EPHA6: variants seen among roughly 807,000 people sequenced by gnomAD.
EPHA6 encodes ephrin type-A receptor 6.
Under a neutral mutation model 112.0 loss-of-function variants are expected in EPHA6, and 50 were observed. The observed-to-expected ratio is 0.45, with a 90% CI of 0.36 to 0.56. The LOEUF (loss-of-function observed/expected upper bound fraction) is 0.56, where lower values mean the gene tolerates loss of function less well. Ranked by LOEUF, EPHA6 falls within the 20% of genes least tolerant of loss-of-function variation. EPHA6 has a pLI of 0.00. For synonymous variants in EPHA6, 529 were observed against 490.7 expected (o/e 1.08, Z -1.03); for missense variants, 1,280 against 1,417.4 (o/e 0.90, Z 1.56).
intron 2 of EPHA6, 114 bp downstream of exon 2, chr3:96,867,003 T>G (rs2036355695): frequency 2.0e-6 from 1 of 504,944 alleles, no homozygotes; most frequent in Non-Finnish European, 3.4e-6. Context: ...ACATATAACT[T>G]ACATCCCATA....
At chr3:97,024,460 G>A (rs2044566802) in intron 3 of EPHA6, among the ~76,000 whole-genome samples, 1 of 151,988 alleles carries the variant, frequency 6.6e-6, no homozygotes, top group Non-Finnish European at 1.5e-5. Flanking sequence ...ATATCTAATT[G>A]ATCTGAAAGA....
At chr3:97,637,162 G>C (rs2093953191) in intron 13 of EPHA6, among the ~76,000 whole-genome samples, 1 of 151,856 alleles carries the variant, frequency 6.6e-6, no homozygotes, top group African/African-American at 2.4e-5. Flanking sequence ...TAGTTAAATG[G>C]GATTGATACT....
At chr3:96,979,114 T>A (rs2042649903) in intron 2 of EPHA6, among the ~76,000 whole-genome samples, 1 of 152,122 alleles carries the variant, frequency 6.6e-6, no homozygotes, top group African/African-American at 2.4e-5. Flanking sequence ...AACGTGCAGG[T>A]TTGTTACATA....
intron 3 of EPHA6, among the ~76,000 whole-genome samples, chr3:97,179,761 C>CTCTCTCTCTT (rs1214540454): frequency 6.3e-4 from 90 of 142,758 alleles, no homozygotes; most frequent in East Asian, 1.1e-3. Context: ...CTCTCTCTCT[C>CTCTCTCTCTT]CTGAACCACT....
At chr3:96,928,325 T>C (rs1162789530) in intron 2 of EPHA6, among the ~76,000 whole-genome samples, 1 of 152,204 alleles carries the variant, frequency 6.6e-6, no homozygotes, top group Non-Finnish European at 1.5e-5. Flanking sequence ...GTATATTAGC[T>C]GTTTGTTATC....
At chr3:96,862,085 G>A (rs1413636795) in intron 1 of EPHA6, among the ~76,000 whole-genome samples, 1 of 151,846 alleles carries the variant, frequency 6.6e-6, no homozygotes, top group Non-Finnish European at 1.5e-5. Flanking sequence ...CTAAATGTCA[G>A]TTTAAAGCAT....
chr3:96,868,908 T>C (rs560797856), intron 2 of EPHA6, among the ~76,000 whole-genome samples: 1 of 152,120 alleles, frequency 6.6e-6, no homozygotes, highest in South Asian at 2.1e-4. Context: ...AGTTACAGAA[T>C]TAGGCATTCA....
chr3:97,587,235 C>T (rs1032051991), intron 11 of EPHA6, among the ~76,000 whole-genome samples: 12 of 150,268 alleles, frequency 8.0e-5, no homozygotes, highest in Non-Finnish European at 1.8e-4. Flanking sequence ...AATGAGACTC[C>T]GTCTCAAAAA....
chr3:97,168,241 C>T (rs545566334), intron 3 of EPHA6, among the ~76,000 whole-genome samples: 87 of 152,144 alleles, frequency 5.7e-4, no homozygotes, highest in South Asian at 4.4e-3. Flanking sequence ...CCTGCTTTTT[C>T]ATTCTCAACA....
At chr3:97,536,060 T>C (rs2092759506) in intron 11 of EPHA6, among the ~76,000 whole-genome samples, 1 of 152,152 alleles carries the variant, frequency 6.6e-6, no homozygotes, top group Non-Finnish European at 1.5e-5. Flanking sequence ...ACAAGTGATA[T>C]AAAAAGAGAT....
chr3:97,583,293 A>C (rs1231875441), intron 11 of EPHA6, among the ~76,000 whole-genome samples: 4 of 151,920 alleles, frequency 2.6e-5, no homozygotes, highest in African/African-American at 9.7e-5. Flanking sequence ...TAATCCCAGC[A>C]CTTTGGGAAG....
intron 3 of EPHA6, among the ~76,000 whole-genome samples, chr3:97,187,700 A>AGAAG (rs2077184380): frequency 7.7e-6 from 1 of 130,560 alleles, no homozygotes; most frequent in Admixed American, 7.4e-5. Context: ...AAAGAAAGAA[A>AGAAG]GAAAGAAAGA....
chr3:97,416,801 A>G (rs1365998821), intron 6 of EPHA6, among the ~76,000 whole-genome samples: 3 of 152,136 alleles, frequency 2.0e-5, no homozygotes, highest in Admixed American at 6.6e-5. Context: ...TTCTTTCATG[A>G]TTATGAGTAT....
At position 97,516,021 on chromosome 3, in the gene EPHA6, A is replaced by G. The variant is rs139580487; in HGVS notation, c.2201-16337A>G. Among the ~76,000 whole-genome samples, 988 of 152,184 alleles carry G rather than the reference A, an allele frequency of 6.5e-3. 12 individuals carry two copies. The highest frequency in any genetic ancestry group is 0.022 in the African/African-American group (908 of 41,530). On this transcript the variant is annotated intron_variant, in intron 10 of 17. Transcript: ENST00000389672. ...CTAGACCTTACGGACCTAGCAATGA[A>G]GGATATTCAGAGTGGCATATTTAAC...
intron 5 of EPHA6, among the ~76,000 whole-genome samples, chr3:97,363,236 A>C (rs193146166): frequency 0.16 from 13,212 of 84,532 alleles, 3,245 homozygotes; most frequent in African/African-American, 0.45. Context: ...ATATATATAT[A>C]TAAATCTCAG....
intron 3 of EPHA6, among the ~76,000 whole-genome samples, chr3:97,018,929 G>A (rs1295496586): frequency 6.6e-6 from 1 of 152,198 alleles, no homozygotes; most frequent in Non-Finnish European, 1.5e-5. Context: ...TACCGCTAGA[G>A]CAAGGAGCCC....
At chr3:97,276,773 G>A (rs942471614) in intron 5 of EPHA6, among the ~76,000 whole-genome samples, 1 of 152,134 alleles carries the variant, frequency 6.6e-6, no homozygotes, top group African/African-American at 2.4e-5. Context: ...CCATGAACTG[G>A]GCTGGGTTTT....
intron 2 of EPHA6, among the ~76,000 whole-genome samples, chr3:96,901,564 TATG>T (rs2038613893): frequency 6.6e-6 from 1 of 152,048 alleles, no homozygotes; most frequent in Non-Finnish European, 1.5e-5. Flanking sequence ...TCATAACAGA[TATG>T]ATAAAAAATA....
chr3:96,863,765 C>A (rs1292860007), intron 1 of EPHA6, among the ~76,000 whole-genome samples: 4 of 151,890 alleles, frequency 2.6e-5, no homozygotes, highest in African/African-American at 9.7e-5. Flanking sequence ...AATGAATTAA[C>A]TTATTGGTCA....
Sources: allele counts gnomAD v4.1 joint callset (sites outside exome capture counted in the v4.1 genomes callset), GRCh38; gene constraint gnomAD v4.1.1; transcripts MANE v1.5; gene names NCBI Gene and HGNC (gene_info 2026-07-23, HGNC 2026-07-21).